The following TPO variants were observed in gnomAD, a reference collection of about 807,000 sequenced individuals.
TPO encodes thyroid peroxidase.
A neutral mutation model predicts 96.9 loss-of-function variants in TPO; 78 were observed. The ratio of observed to expected loss-of-function variants is 0.81; its 90% CI spans 0.67 to 0.97. The LOEUF is 0.97. TPO is among the 50% of genes least tolerant of loss of function. TPO has a pLI of 0.00. For missense variants in TPO, 1,252 were observed against 1,274.8 expected (o/e 0.98, Z 0.27); for synonymous variants, 547 against 538.0 (o/e 1.02, Z -0.23).
In TPO at chr2:1,488,065, A is replaced by G. The variant is rs562329539; in HGVS notation, c.1768+74A>G. On this transcript the variant is annotated intron_variant, in intron 10 of 16. Transcript: ENST00000329066. ...TGCCGAGCTAGCAACCTGCTGCTAGAGAGACTGATTTAGAGGAAAACAATC... is the reference window on the plus strand; with the variant it reads ...TGCCGAGCTAGCAACCTGCTGCTAGGGAGACTGATTTAGAGGAAAACAATC... 205 of 1,597,024 alleles carry G rather than the reference A, an allele frequency of 1.3e-4. No individual in the cohort carries two copies. The African/African-American group carries it at 2.4e-3, about 19-fold the overall frequency.
At chr2:1,402,211 C>T (rs996301140) in intron 1 of TPO, among the ~76,000 whole-genome samples, 1 of 152,238 alleles carries the variant, frequency 6.6e-6, no homozygotes, top group African/African-American at 2.4e-5. Context: ...CAGGGACCAC[C>T]TGTAAAGGCC....
chr2:1,503,277 C>T (rs572258169), intron 13 of TPO, among the ~76,000 whole-genome samples: 2 of 152,284 alleles, frequency 1.3e-5, no homozygotes, highest in East Asian at 1.9e-4. Context: ...TGGAAGAGCT[C>T]GTGTTCCCCA....
intron 7 of TPO, among the ~76,000 whole-genome samples, chr2:1,469,170 T>A (rs1395649899): frequency 6.6e-6 from 1 of 152,252 alleles, no homozygotes; most frequent in Non-Finnish European, 1.5e-5. Context: ...GCCTTCCTGA[T>A]TAGCTTAATA....
chr2:1,374,992 G>A (rs941124695), intron 1 of TPO, among the ~76,000 whole-genome samples: 3 of 152,066 alleles, frequency 2.0e-5, no homozygotes, highest in Non-Finnish European at 4.4e-5. Context: ...GCCTCCCAAA[G>A]TGTTGGGATT....
chr2:1,527,650 C>A (rs1477931401), intron 15 of TPO, among the ~76,000 whole-genome samples: 4 of 142,698 alleles, frequency 2.8e-5, no homozygotes, highest in African/African-American at 1.1e-4. Context: ...TCCCCAAATC[C>A]CCCCCCAATC....
Position 1,496,194 on chromosome 2 carries a change from C to T in TPO, c.2212C>T (p.Gln738Ter), listed in dbSNP as rs200796513. 6.2e-7 allele frequency: 1 copy of T among 1,613,652 alleles called. No individual in the cohort carries two copies. Among genetic ancestry groups the T allele is most frequent in the African/African-American group, 1.3e-5 (1 of 74,920 alleles). ...GGAGGCCTGGAGGGAAACCTTTCCT[C>T]AAGGTGAAGTTCGGTCTCCTCTCAC... Reference protein sequence around the residue: ...NLEAWRETFPQDDKCGFPESV... With the variant: ...NLEAWRETFP The change falls in exon 12 of 17, where the codon CAA becomes TAA. Residue 738 changes from glutamine (Q) to a stop codon, truncating the protein, a stop_gained. Coordinates refer to ENST00000329066, the MANE Select transcript of TPO (RefSeq NM_001206744.2). LOFTEE classifies it high-confidence loss of function.
intron 16 of TPO, chr2:1,541,205 GC>G: frequency 8.6e-7 from 1 of 1,167,398 alleles, no homozygotes; most frequent in Non-Finnish European, 1.1e-6. Context: ...ACTGAGAGAA[GC>G]AGAGAGCAGA....
intron 1 of TPO, among the ~76,000 whole-genome samples, chr2:1,399,255 T>C (rs1008809740): frequency 1.3e-5 from 2 of 152,202 alleles, no homozygotes; most frequent in African/African-American, 4.8e-5. Context: ...CTGGGCATCA[T>C]CACCAGATTG....
chr2:1,516,898 C>T lies in TPO; in HGVS notation c.2534C>T (p.Pro845Leu), dbSNP rs770196057. ...TGTGCCCCAGACTCCGGGAGGCTCCCTCGGGTGACTTGGATCTCCATGTCG... is the reference window on the plus strand; with the variant it reads ...TGTGCCCCAGACTCCGGGAGGCTCCTTCGGGTGACTTGGATCTCCATGTCG... The part of the protein sequence containing the change: ...GRTCVDSGRL[P>L]RVTWISMSLA... Residue 845 changes from proline to leucine, a missense_variant, in exon 15 of 17, where the codon CCT becomes CTT. Coordinates refer to ENST00000329066, the MANE Select transcript of TPO (RefSeq NM_001206744.2). 15 of 1,613,976 alleles carry T rather than the reference C, an allele frequency of 9.3e-6. No homozygotes were observed. The highest frequency in any genetic ancestry group is 1.3e-5 in the Non-Finnish European group (15 of 1,180,034).
At chr2:1,512,346 G>A in intron 14 of TPO, 1 of 973,900 alleles carries the variant, frequency 1.0e-6, no homozygotes, top group South Asian at 4.7e-5. Flanking sequence ...CTACCTCTTT[G>A]CTAAGGAATC....
At chr2:1,536,918 CT>C (rs1457064711) in intron 15 of TPO, among the ~76,000 whole-genome samples, 3 of 132,592 alleles carry the variant, frequency 2.3e-5, no homozygotes, top group Admixed American at 8.0e-5. Context: ...TGTTTGCAAC[CT>C]CCCAAATCCC....
intron 1 of TPO, among the ~76,000 whole-genome samples, chr2:1,399,415 A>T (rs1662131867): frequency 6.6e-6 from 1 of 152,244 alleles, no homozygotes; most frequent in Non-Finnish European, 1.5e-5. Context: ...AACAAGTCCT[A>T]TGTATGCTGT....
At chr2:1,509,004 CT>C (rs1240129259) in intron 14 of TPO, among the ~76,000 whole-genome samples, 1 of 152,222 alleles carries the variant, frequency 6.6e-6, no homozygotes, top group Non-Finnish European at 1.5e-5. Flanking sequence ...ATCTTTCCTG[CT>C]TTCTCTTGTG....
Position 1,496,632 on chromosome 2 carries a change from G to T in TPO, c.2253G>T (p.Gly751=). The change falls in exon 13 of 17, where the codon GGG becomes GGT. Residue 751 remains glycine (G), a synonymous_variant. Coordinates refer to ENST00000329066, the MANE Select transcript of TPO (RefSeq NM_001206744.2). ...KCGFPESVEN[G]DFVHCEESGR... is the part of the protein sequence containing the mutation. ...GCTTCCCAGAGAGCGTGGAGAATGG[G>T]GACTTTGTGCACTGTGAGGAGTCTG... 4 of 1,614,012 alleles carry T rather than the reference G, an allele frequency of 2.5e-6. No homozygotes were observed. Among genetic ancestry groups the T allele is most frequent in the Non-Finnish European group, 3.4e-6 (4 of 1,180,030 alleles).
rs552023284 is a variant in TPO at position 1,437,839 on chromosome 2, G to T, written c.482+1455G>T. ...CACCCCTCCTGCCCTGAAGCCTGGG[G>T]GGGGGTCTGTGCCTTCCCGTGGAAG... On this transcript the variant is annotated intron_variant, in intron 5 of 16. Coordinates refer to ENST00000329066, the MANE Select transcript of TPO (RefSeq NM_001206744.2). Among the ~76,000 whole-genome samples the T allele has an allele frequency of 1.4e-3, 218 of 152,294 alleles. 1 individual carries two copies. Among genetic ancestry groups the T allele is most frequent in the Middle Eastern group, 6.8e-3 (2 of 294 alleles).
chr2:1,470,401 TG>T (rs1459391742), intron 7 of TPO, among the ~76,000 whole-genome samples: 4 of 152,128 alleles, frequency 2.6e-5, no homozygotes, highest in African/African-American at 9.7e-5. Flanking sequence ...TATGATTGCT[TG>T]GCTTTTCATT....
At chr2:1,461,945 C>T (rs911695564) in intron 7 of TPO, among the ~76,000 whole-genome samples, 4 of 152,194 alleles carry the variant, frequency 2.6e-5, no homozygotes, top group Non-Finnish European at 4.4e-5. Flanking sequence ...CTGGCTCCTT[C>T]GGGGCTCCCT....
chr2:1,537,758 CCTCA>C (rs111317421), intron 15 of TPO, among the ~76,000 whole-genome samples: 11,802 of 125,838 alleles, frequency 0.094, 826 homozygotes, highest in African/African-American at 0.12. Flanking sequence ...CCCACATCTC[CCTCA>C]CTGAGTACAA....
intron 13 of TPO, chr2:1,503,651 T>C: frequency 1.8e-6 from 1 of 555,500 alleles, no homozygotes; most frequent in South Asian, 1.8e-5. Flanking sequence ...AAATTCCACA[T>C]TCCCAGGCAG....
Sources: gnomAD v4.1 joint callset for allele counts (sites outside exome capture counted in the v4.1 genomes callset) on GRCh38, gnomAD v4.1.1 for gene constraint, MANE v1.5 for transcripts, NCBI Gene and HGNC (gene_info 2026-07-23, HGNC 2026-07-21) for gene names.